PHF24: variants seen among roughly 807,000 people sequenced by gnomAD.
PHF24 encodes PHD finger protein 24.
PHF24 carries 25 observed loss-of-function variants against 42.6 expected under a neutral mutation model. The observed-to-expected ratio is 0.59, with a 90% CI of 0.43 to 0.82. PHF24 has a LOEUF of 0.82. Ranked by LOEUF, PHF24 falls within the 40% of genes least tolerant of loss-of-function variation. The probability of loss-of-function intolerance (pLI) is 0.00; values close to 1 mark genes in which losing one functional copy is unlikely to be tolerated. For synonymous variants in PHF24, 185 were observed against 204.8 expected (o/e 0.90, Z 0.83); for missense variants, 470 against 538.1 (o/e 0.87, Z 1.25).
the PHF24 span, among the ~76,000 whole-genome samples, chr9:34,707,893 G>A: frequency 1.3e-4 from 20 of 152,074 alleles, no homozygotes; most frequent in Admixed American, 1.3e-4. Context: ...CACAATGCCC[G>A]GCTAATTTTT....
At chr9:34,738,386 T>C in the PHF24 span, among the ~76,000 whole-genome samples, 1 of 152,184 alleles carries the variant, frequency 6.6e-6, no homozygotes, top group African/African-American at 2.4e-5. Flanking sequence ...AGTCTCGCTC[T>C]GTCGCCCAGG....
At chr9:34,760,621 G>A in the PHF24 span, among the ~76,000 whole-genome samples, 251 of 152,298 alleles carry the variant, frequency 1.6e-3, no homozygotes, top group African/African-American at 5.9e-3. Flanking sequence ...GGCGAGTAGC[G>A]GTAGACGGCA....
the PHF24 span, among the ~76,000 whole-genome samples, chr9:34,935,917 C>T: frequency 6.6e-6 from 1 of 151,842 alleles, no homozygotes; most frequent in African/African-American, 2.4e-5. Context: ...AGCTGCAGCC[C>T]TACTGGTAAG....
chr9:34,688,566 C>T, the PHF24 span, among the ~76,000 whole-genome samples: 1 of 152,176 alleles, frequency 6.6e-6, no homozygotes, highest in Admixed American at 6.5e-5. Context: ...CTGTGCTTCC[C>T]TGGCTACTCC....
the PHF24 span, chr9:34,723,093 C>T: frequency 4.9e-6 from 5 of 1,019,324 alleles, no homozygotes; most frequent in Non-Finnish European, 7.0e-6. Context: ...GGCATCTGTC[C>T]CACCTGCACA....
At chr9:34,931,375 C>CAAAAAAAAA in the PHF24 span, among the ~76,000 whole-genome samples, 1 of 82,918 alleles carries the variant, frequency 1.2e-5, no homozygotes, top group Non-Finnish European at 2.2e-5. Context: ...GACTCTGTAT[C>CAAAAAAAAA]AAAAAAAAAA....
chr9:34,846,993 C>G, the PHF24 span, among the ~76,000 whole-genome samples: 4 of 152,036 alleles, frequency 2.6e-5, no homozygotes, highest in African/African-American at 4.8e-5. Flanking sequence ...TGCTGTTTTG[C>G]CTACTGTAGC....
chr9:34,893,703 T>G, the PHF24 span, among the ~76,000 whole-genome samples: 1 of 152,122 alleles, frequency 6.6e-6, no homozygotes, highest in Non-Finnish European at 1.5e-5. Flanking sequence ...AGACGACCCA[T>G]GGGAGGGCGT....
chr9:34,910,475 AT>A, the PHF24 span, among the ~76,000 whole-genome samples: 1 of 152,238 alleles, frequency 6.6e-6, no homozygotes, highest in Non-Finnish European at 1.5e-5. Context: ...TACATACAAA[AT>A]AAGTATGTGA....
the PHF24 span, among the ~76,000 whole-genome samples, chr9:34,880,722 C>A: frequency 1.3e-5 from 2 of 152,098 alleles, no homozygotes; most frequent in Non-Finnish European, 2.9e-5. Flanking sequence ...CCTTAGAGAC[C>A]TACAAAGAGA....
chr9:34,925,161 AT>A, the PHF24 span, among the ~76,000 whole-genome samples: 1 of 152,040 alleles, frequency 6.6e-6, no homozygotes, highest in African/African-American at 2.4e-5. Context: ...TTATTTCAGT[AT>A]TTTGAATATA....
chr9:34,857,509 G>C, the PHF24 span, among the ~76,000 whole-genome samples: 1 of 152,152 alleles, frequency 6.6e-6, no homozygotes, highest in Non-Finnish European at 1.5e-5. Context: ...CCCAGGCAGG[G>C]TCACACAATC....
the PHF24 span, among the ~76,000 whole-genome samples, chr9:34,910,483 G>T: frequency 1.3e-5 from 2 of 152,172 alleles, no homozygotes; most frequent in Non-Finnish European, 2.9e-5. Flanking sequence ...AAATAAGTAT[G>T]TGAGGTAGTA....
chr9:34,751,604 G>A, the PHF24 span, among the ~76,000 whole-genome samples: 4 of 152,182 alleles, frequency 2.6e-5, no homozygotes, highest in South Asian at 8.3e-4. Flanking sequence ...ATAATAGCTG[G>A]AGACTTTAAC....
the PHF24 span, among the ~76,000 whole-genome samples, chr9:34,846,174 C>T: frequency 6.6e-6 from 1 of 152,194 alleles, no homozygotes; most frequent in East Asian, 1.9e-4. Flanking sequence ...GGAATCGCCA[C>T]ACTGACTTCC....
At chr9:34,724,186 T>G in the PHF24 span, 157 of 1,551,282 alleles carry the variant, frequency 1.0e-4, no homozygotes, top group Admixed American at 1.4e-3. Flanking sequence ...CCAGGCTGGG[T>G]TTGTTCACAT....
At chr9:34,894,794 G>T in the PHF24 span, among the ~76,000 whole-genome samples, 1 of 152,210 alleles carries the variant, frequency 6.6e-6, no homozygotes, top group Admixed American at 6.5e-5. Context: ...AAATGACAGA[G>T]TTGAGGACTT....
chr9:34,710,131 G>A, the PHF24 span: 1 of 1,380,430 alleles, frequency 7.2e-7, no homozygotes. Context: ...CAAGTTGGGG[G>A]TCTGTGCGTG....
chr9:34,854,518 C>T, the PHF24 span, among the ~76,000 whole-genome samples: 1 of 152,032 alleles, frequency 6.6e-6, no homozygotes, highest in Non-Finnish European at 1.5e-5. Flanking sequence ...TGATTTTTGC[C>T]TTAATTTCAT....
Sources: allele counts gnomAD v4.1 joint callset (sites outside exome capture counted in the v4.1 genomes callset), GRCh38; gene constraint gnomAD v4.1.1; transcripts MANE v1.5; gene names NCBI Gene and HGNC (gene_info 2026-07-23, HGNC 2026-07-21).